The following HECTD2 variants were observed in gnomAD, a reference collection of about 807,000 sequenced individuals.
HECTD2 encodes the protein probable E3 ubiquitin-protein ligase HECTD2.
In HECTD2, 35 loss-of-function variants were observed where a neutral mutation model predicts 103.2. The ratio of observed to expected loss-of-function variants is 0.34; its 90% CI spans 0.26 to 0.45. HECTD2 has a LOEUF of 0.45. HECTD2 is among the 20% of genes least tolerant of loss of function. The pLI, the probability that HECTD2 is intolerant of heterozygous loss-of-function variation, is 1.00. For synonymous variants in HECTD2, 281 were observed against 329.9 expected (o/e 0.85, Z 1.61); for missense variants, 596 against 937.4 (o/e 0.64, Z 4.76).
At chr10:91,436,151 T>C (rs1336353469) in intron 2 of HECTD2, among the ~76,000 whole-genome samples, 1 of 151,800 alleles carries the variant, frequency 6.6e-6, no homozygotes, top group Non-Finnish European at 1.5e-5. Context: ...CTTTTGTCTG[T>C]TTGTTTTGGT....
chr10:91,431,765 C>G (rs1241646796), intron 2 of HECTD2, among the ~76,000 whole-genome samples: 1 of 151,982 alleles, frequency 6.6e-6, no homozygotes, highest in Non-Finnish European at 1.5e-5. Flanking sequence ...ATTGCTTATT[C>G]TAGTTATATA....
chr10:91,472,745 T>G (rs1370476425), intron 5 of HECTD2, among the ~76,000 whole-genome samples: 1 of 152,196 alleles, frequency 6.6e-6, no homozygotes, highest in Non-Finnish European at 1.5e-5. Flanking sequence ...AAAACCACAG[T>G]GACATAACAT....
In HECTD2 at chr10:91,514,279, ATAAG is replaced by A. The variant is rs1439483660; in HGVS notation, c.*1896_*1899del. ...TATCGATTAGCTGTGTCACTTTTAA[ATAAG>A]AAGTCCACACAAGCAAGCCAAATTT... On this transcript the variant is annotated 3_prime_UTR_variant, in exon 21 of 21. Transcript: ENST00000298068. 6.6e-6 allele frequency: 1 copy of A among 152,628 alleles called. No individual in the cohort carries two copies. The highest frequency in any genetic ancestry group is 2.4e-5 in the African/African-American group (1 of 41,460). The allele number at this position is 152,628 out of a possible 1,614,324, so 9.5% of individuals were successfully genotyped here. A position where few individuals can be genotyped will look rare whatever the true frequency, so the allele number is the denominator to read the frequency against.
intron 1 of HECTD2, among the ~76,000 whole-genome samples, chr10:91,412,362 A>G (rs928541628): frequency 2.0e-5 from 3 of 152,220 alleles, no homozygotes; most frequent in Non-Finnish European, 4.4e-5. Flanking sequence ...AGAGAAGAAT[A>G]TATTCAAGAA....
At chr10:91,412,421 G>C (rs557385682) in intron 1 of HECTD2, among the ~76,000 whole-genome samples, 1 of 150,932 alleles carries the variant, frequency 6.6e-6, no homozygotes, top group Admixed American at 6.6e-5. Context: ...AGTTGGAATA[G>C]AAGAGGATAA....
intron 1 of HECTD2, among the ~76,000 whole-genome samples, chr10:91,424,749 A>AT (rs1843492375): frequency 6.6e-6 from 1 of 152,102 alleles, no homozygotes; most frequent in Non-Finnish European, 1.5e-5. Flanking sequence ...TCTAAAAAAA[A>AT]ATTCTGGTAT....
At chr10:91,468,799 A>AG (rs1055034018) in intron 5 of HECTD2, among the ~76,000 whole-genome samples, 3 of 152,084 alleles carry the variant, frequency 2.0e-5, no homozygotes, top group Non-Finnish European at 4.4e-5. Context: ...AGCTGGGTGT[A>AG]GTGGTGCATG....
At chr10:91,416,307 GA>G (rs1026711046) in intron 1 of HECTD2, among the ~76,000 whole-genome samples, 3 of 152,060 alleles carry the variant, frequency 2.0e-5, no homozygotes, top group African/African-American at 4.8e-5. Context: ...AAAACATTTA[GA>G]AAAAAACCTT....
chr10:91,414,287 A>G (rs1390218901), intron 1 of HECTD2, among the ~76,000 whole-genome samples: 1 of 152,180 alleles, frequency 6.6e-6, no homozygotes, highest in Admixed American at 6.5e-5. Flanking sequence ...GTTAGCCTAT[A>G]ATGGAAGACA....
chr10:91,450,051 A>C (rs1844733173), intron 2 of HECTD2, among the ~76,000 whole-genome samples: 1 of 152,198 alleles, frequency 6.6e-6, no homozygotes, highest in Non-Finnish European at 1.5e-5. Context: ...ATAGAACCAA[A>C]AAAGAGCCCA....
chr10:91,490,110 TC>T (rs1846411299), intron 11 of HECTD2: 1 of 152,118 alleles, frequency 6.6e-6, no homozygotes, highest in Admixed American at 6.5e-5. Context: ...CATATCTCTA[TC>T]CCCCAAGCAA....
intron 2 of HECTD2, among the ~76,000 whole-genome samples, chr10:91,435,646 T>C (rs1179123968): frequency 6.6e-6 from 1 of 152,012 alleles, no homozygotes; most frequent in African/African-American, 2.4e-5. Flanking sequence ...TCTGTCTCTG[T>C]CTCTCTCGAA....
Position 91,512,672 on chromosome 10 carries a change from G to T in HECTD2, c.*288G>T. The T allele has an allele frequency of 3.4e-6, 1 of 293,040 alleles. No homozygotes were observed. Among genetic ancestry groups the T allele is most frequent in the Non-Finnish European group, 6.4e-6 (1 of 155,382 alleles). 18.2% of individuals were successfully genotyped at this position (293,040 alleles called of 1,614,324 possible). On this transcript the variant is annotated 3_prime_UTR_variant, in exon 21 of 21. Transcript: ENST00000298068. ...CATTCTCCACAAGTAGTTTGTCACA[G>T]GCATTCCACTGGGAAAGCAAAGTAC...
At chr10:91,460,336 T>C in intron 2 of HECTD2, 91 bp from the exon 3 acceptor site, 1 of 1,093,818 alleles carries the variant, frequency 9.1e-7, no homozygotes, top group East Asian at 2.5e-5. Context: ...ATAATTCATT[T>C]GTTTTCTGTT....
intron 5 of HECTD2, among the ~76,000 whole-genome samples, chr10:91,467,248 CA>C (rs1441327888): frequency 6.6e-6 from 1 of 152,146 alleles, no homozygotes; most frequent in African/African-American, 2.4e-5. Flanking sequence ...CTTGAGCTGG[CA>C]GGGTGAACTG....
Position 91,514,120 on chromosome 10 carries a change from T to C in HECTD2, c.*1736T>C, listed in dbSNP as rs543817143. The C allele has an allele frequency of 5.9e-5, 9 of 152,762 alleles. No homozygotes were observed. Among genetic ancestry groups the C allele is most frequent in the Admixed American group, 3.3e-4 (5 of 15,294 alleles). 9.5% of individuals were successfully genotyped at this position (152,762 alleles called of 1,614,324 possible). On this transcript the variant is annotated 3_prime_UTR_variant, in exon 21 of 21. Transcript: ENST00000298068. ...GCTTTTTAATGTAGGTTACCACTTA[T>C]AAGCACAAAAGAAACATGTATAAGA...
chr10:91,424,291 G>A (rs988174128), intron 1 of HECTD2, among the ~76,000 whole-genome samples: 4 of 152,096 alleles, frequency 2.6e-5, no homozygotes, highest in Non-Finnish European at 5.9e-5. Context: ...CAAGAGAATG[G>A]GGAATTTAGT....
chr10:91,501,295 T>G lies in HECTD2; in HGVS notation c.2171T>G (p.Leu724Trp). 6.2e-7 allele frequency: 1 copy of G among 1,601,606 alleles called. No homozygotes were observed. Among genetic ancestry groups the G allele is most frequent in the Non-Finnish European group, 8.5e-7 (1 of 1,174,844 alleles). Residue 724 changes from leucine to tryptophan, a missense_variant, in exon 20 of 21, where the codon TTG becomes TGG. Leu to Trp is a moderately conservative substitution (Grantham distance 61). Coordinates refer to ENST00000298068, the MANE Select transcript of HECTD2 (RefSeq NM_182765.6). Reference sequence around the variant, plus strand: ...GTACCTGTAGGAGGGATGGCTGATTTGAACTTTAAAATCTCAAAGAATGAA... The same window carrying G: ...GTACCTGTAGGAGGGATGGCTGATTGGAACTTTAAAATCTCAAAGAATGAA... The part of the protein sequence containing the change: ...DRVPVGGMAD[L>W]NFKISKNETS...
chr10:91,491,863 G>C (rs1296528047), intron 12 of HECTD2, among the ~76,000 whole-genome samples: 1 of 152,028 alleles, frequency 6.6e-6, no homozygotes, highest in Non-Finnish European at 1.5e-5. Context: ...TTTGTGACAA[G>C]TTTTATTTTG....
Sources: gnomAD v4.1 joint callset for allele counts (sites outside exome capture counted in the v4.1 genomes callset) on GRCh38, gnomAD v4.1.1 for gene constraint, MANE v1.5 for transcripts, NCBI Gene and HGNC (gene_info 2026-07-23, HGNC 2026-07-21) for gene names.